The following BRD4 variants were observed in gnomAD, a reference collection of about 807,000 sequenced individuals.
BRD4 encodes the protein bromodomain containing 4.
Under a neutral mutation model 142.1 loss-of-function variants are expected in BRD4, and 16 were observed. That is an observed-to-expected ratio of 0.11 (90% CI 0.08 to 0.17). The LOEUF (loss-of-function observed/expected upper bound fraction) is 0.17. Among genes scored for constraint, BRD4 ranks in the 10% least tolerant of loss-of-function variants. The probability of loss-of-function intolerance (pLI) is 1.00; values close to 1 mark genes in which losing one functional copy is unlikely to be tolerated. For missense variants in BRD4, 1,424 were observed against 1,810.9 expected, an observed-to-expected ratio of 0.79 and a Z score of 3.88; for synonymous variants, 833 against 707.5, an observed-to-expected ratio of 1.18 and a Z score of -2.82.
intron 1 of BRD4, among the ~76,000 whole-genome samples, chr19:15,284,843 A>AT (rs1884113937): frequency 6.6e-6 from 1 of 152,250 alleles, no homozygotes; most frequent in Non-Finnish European, 1.5e-5. Flanking sequence ...CTTGGCAGGC[A>AT]TAATCACTTT....
At position 15,238,831 on chromosome 19, in the gene BRD4, T is replaced by C. The variant is rs2047214021; in HGVS notation, c.3932A>G (p.Gln1311Arg). 6.2e-7 allele frequency: 1 copy of C among 1,604,356 alleles called. No individual in the cohort carries two copies. Among genetic ancestry groups the C allele is most frequent in the Non-Finnish European group, 8.5e-7 (1 of 1,175,474 alleles). Residue 1311 changes from glutamine to arginine, a missense_variant, in exon 19 of 20, where the codon CAG becomes CGG. Transcript: ENST00000679869. The surrounding 1 kb of genome is among the most constrained non-coding windows in gnomAD (Gnocchi z 7.2). ...GGACTGGGGCTGGGAGCTCTGGGCC[T>C]GTGGGGTGGCGGCGGCAGCCACCGC... is the stretch of plus-strand genomic sequence containing the variant. ...AAAVAAAATP[Q>R]AQSSQPQSML...
At chr19:15,250,523 C>G (rs1466141189) in intron 11 of BRD4, among the ~76,000 whole-genome samples, 1 of 152,202 alleles carries the variant, frequency 6.6e-6, no homozygotes, top group Non-Finnish European at 1.5e-5. Flanking sequence ...TTAAGAAACA[C>G]CCACATGCTC....
At chr19:15,305,200 C>T (rs1057015705) in intron 1 of BRD4, among the ~76,000 whole-genome samples, 3 of 151,960 alleles carry the variant, frequency 2.0e-5, no homozygotes, top group African/African-American at 7.3e-5. Flanking sequence ...GGAGCCACCA[C>T]GCCTGGCTAA....
intron 1 of BRD4, among the ~76,000 whole-genome samples, chr19:15,285,672 C>T (rs2047734582): frequency 6.6e-6 from 1 of 152,192 alleles, no homozygotes; most frequent in African/African-American, 2.4e-5. Flanking sequence ...AAAAAGTGCA[C>T]ATCCCTGAGT....
intron 11 of BRD4, among the ~76,000 whole-genome samples, chr19:15,252,119 G>A (rs1025372772): frequency 6.6e-6 from 1 of 152,118 alleles, no homozygotes; most frequent in South Asian, 2.1e-4. Context: ...GAGGGGTGTG[G>A]GGCACTCGTT....
chr19:15,331,969 C>A (rs966527470), intron 1 of BRD4: 1 of 138,312 alleles, frequency 7.2e-6, no homozygotes, highest in Non-Finnish European at 1.6e-5. Flanking sequence ...ACCGCCGGCC[C>A]CGCCGCGGCG....
intron 1 of BRD4, among the ~76,000 whole-genome samples, chr19:15,322,924 C>T (rs2048076406): frequency 6.7e-6 from 1 of 150,032 alleles, no homozygotes; most frequent in African/African-American, 2.4e-5. Flanking sequence ...GTGGTGGGCG[C>T]CTGTAGTCCC....
At chr19:15,314,027 T>C (rs1245247482) in intron 1 of BRD4, among the ~76,000 whole-genome samples, 3 of 152,112 alleles carry the variant, frequency 2.0e-5, no homozygotes, top group East Asian at 1.9e-4. Context: ...GAACCATCGA[T>C]AGGGGATATT....
At chr19:15,249,278 G>A (rs2047319339) in intron 11 of BRD4, 1 of 1,614,032 alleles carries the variant, frequency 6.2e-7, no homozygotes, top group Non-Finnish European at 8.5e-7. Flanking sequence ...CGTGTCCAAT[G>A]ATTAGGCAGG....
intron 1 of BRD4, among the ~76,000 whole-genome samples, chr19:15,299,237 T>C (rs947089386): frequency 3.3e-5 from 5 of 152,074 alleles, no homozygotes; most frequent in Non-Finnish European, 5.9e-5. Context: ...GACCATCACA[T>C]AGAGAATGAA....
Position 15,265,494 on chromosome 19 carries a change from G to A in BRD4, c.709C>T (p.Pro237Ser). ...AVTPDLIVQT[P>S]VMTVVPPQPL... The stretch of plus-strand genomic sequence containing the variant: ...TGGGGAGGCACCACTGTCATGACAG[G>A]GGTCTGGACGATGAGGTCCGGGGTG... Residue 237 changes from proline (P) to serine (S), a missense_variant, in exon 5 of 20, where the codon CCT becomes TCT. Transcript: ENST00000679869. 1.2e-6 allele frequency: 2 copies of A among 1,612,482 alleles called. No individual in the cohort carries two copies. The highest frequency in any genetic ancestry group is 2.2e-5 in the East Asian group (1 of 44,842).
intron 11 of BRD4, among the ~76,000 whole-genome samples, chr19:15,250,107 CCT>C (rs749315088): frequency 6.6e-5 from 10 of 152,140 alleles, no homozygotes; most frequent in East Asian, 1.9e-4. Flanking sequence ...CTCCCTGGCC[CCT>C]GAGTGCGGGC....
chr19:15,308,115 C>CAAAAAAAAAA (rs57642262), intron 1 of BRD4, among the ~76,000 whole-genome samples: 3 of 21,180 alleles, frequency 1.4e-4, no homozygotes, highest in African/African-American at 8.4e-4. Context: ...GACTCCGTCT[C>CAAAAAAAAAA]AAAAAAAAAA....
At position 15,249,433 on chromosome 19, in the gene BRD4, A is replaced by G. The variant is rs2145540083; in HGVS notation, c.2159-4671T>C. On this transcript the variant is annotated intron_variant, in intron 11 of 19. Coordinates refer to ENST00000679869, the MANE Select transcript of BRD4 (RefSeq NM_001379291.1). ...GCACAAGAACGGCACTGGAGACTGG[A>G]GCCCTGCCCCGTGCCTGGCTAACCC... is the stretch of plus-strand genomic sequence containing the variant. The G allele has an allele frequency of 8.9e-6, 13 of 1,459,706 alleles. No individual in the cohort carries two copies. In the South Asian group the frequency reaches 1.6e-4, roughly 18 times the overall value. The allele number at this position is 1,459,706 out of a possible 1,614,324, so 90.4% of individuals were successfully genotyped here.
chr19:15,305,361 A>AATAT (rs2047904832), intron 1 of BRD4, among the ~76,000 whole-genome samples: 1 of 152,162 alleles, frequency 6.6e-6, no homozygotes, highest in Non-Finnish European at 1.5e-5. Context: ...ATTTCTTAAT[A>AATAT]ATAAGACTTG....
At chr19:15,278,142 C>CAAAAAAAAAAAAAAAAAAAAAAAA (rs2047669367) in intron 1 of BRD4, among the ~76,000 whole-genome samples, 1 of 89,268 alleles carries the variant, frequency 1.1e-5, no homozygotes, top group Non-Finnish European at 2.4e-5. Context: ...AAAAAAAAAT[C>CAAAAAAAAAAAAAAAAAAAAAAAA]AAAATCAACA....
intron 14 of BRD4, among the ~76,000 whole-genome samples, chr19:15,242,335 C>T (rs1389836289): frequency 6.6e-6 from 1 of 152,148 alleles, no homozygotes; most frequent in Non-Finnish European, 1.5e-5. Flanking sequence ...CTTAAGCGCC[C>T]AGGAAAAGTG....
chr19:15,244,619 ACAGACAGACAGG>A lies in BRD4; in HGVS notation c.2212-31_2212-20del. ...GATGGTGCTGCAGACAGAGAGACAGACAGACAGACAGGCTGATGTCAGGCAGGCAGAACTGGC... is the reference window on the plus strand; with the variant it reads ...GATGGTGCTGCAGACAGAGAGACAGACTGATGTCAGGCAGGCAGAACTGGC... On this transcript the variant is annotated intron_variant, in intron 12 of 19. Transcript: ENST00000679869. The A allele has an allele frequency of 6.2e-7, 1 of 1,613,562 alleles. No homozygotes were observed. Among genetic ancestry groups the A allele is most frequent in the South Asian group, 1.1e-5 (1 of 91,082 alleles).
intron 1 of BRD4, among the ~76,000 whole-genome samples, chr19:15,296,640 G>A (rs1047188406): frequency 8.5e-5 from 13 of 152,176 alleles, no homozygotes; most frequent in African/African-American, 3.1e-4. Flanking sequence ...GAGCCAAAAG[G>A]ATCTGGATGT....
Sources: allele counts gnomAD v4.1 joint callset (sites outside exome capture counted in the v4.1 genomes callset), GRCh38; gene constraint gnomAD v4.1.1; non-coding constraint Gnocchi (gnomAD v3.1); transcripts MANE v1.5; gene names NCBI Gene and HGNC (gene_info 2026-07-23, HGNC 2026-07-21).